Variants in C1QTNF3 observed in about 807,000 individuals in gnomAD.
C1QTNF3 encodes complement C1q tumor necrosis factor-related protein 3.
In C1QTNF3, 26 loss-of-function variants were observed where a neutral mutation model predicts 32.6. That is an observed-to-expected ratio of 0.80 (90% CI 0.58 to 1.11). The LOEUF (loss-of-function observed/expected upper bound fraction) is 1.11, where lower values mean the gene tolerates loss of function less well. Among genes scored for constraint, C1QTNF3 ranks in the 50% least tolerant of loss-of-function variants. The pLI is 0.00. For missense variants in C1QTNF3, 362 were observed against 398.2 expected (o/e 0.91, Z 0.77); for synonymous variants, 155 against 146.0 (o/e 1.06, Z -0.44).
intron 2 of C1QTNF3, 81 bp downstream of exon 2, chr5:34,035,566 C>G (rs1488372961): frequency 9.6e-7 from 1 of 1,046,826 alleles, no homozygotes; most frequent in Non-Finnish European, 1.5e-6. Flanking sequence ...AGAAGTGATC[C>G]CAAATTATTA....
the C1QTNF3 span, chr5:34,168,377 G>A: frequency 6.6e-6 from 1 of 150,716 alleles, no homozygotes; most frequent in South Asian, 2.1e-4. Flanking sequence ...TGCCAAAATG[G>A]GATTAGATGT....
the C1QTNF3 span, among the ~76,000 whole-genome samples, chr5:34,122,099 G>T: frequency 6.6e-6 from 1 of 152,186 alleles, no homozygotes; most frequent in Non-Finnish European, 1.5e-5. Context: ...TAGTACTAAA[G>T]AGTGGGGGTG....
At chr5:34,216,574 T>G in the C1QTNF3 span, among the ~76,000 whole-genome samples, 1 of 152,326 alleles carries the variant, frequency 6.6e-6, no homozygotes, top group Admixed American at 6.5e-5. Context: ...CCACATGGTA[T>G]CCATGTACAC....
the C1QTNF3 span, among the ~76,000 whole-genome samples, chr5:34,222,475 T>C: frequency 9.2e-5 from 14 of 151,738 alleles, no homozygotes; most frequent in African/African-American, 2.9e-4. Context: ...AAATGAAAAG[T>C]ATATTATATA....
the C1QTNF3 span, among the ~76,000 whole-genome samples, chr5:34,125,787 T>G: frequency 6.6e-6 from 1 of 152,352 alleles, no homozygotes; most frequent in Non-Finnish European, 1.5e-5. Flanking sequence ...TATATTGTAA[T>G]AAATAAAATA....
the C1QTNF3 span, among the ~76,000 whole-genome samples, chr5:34,130,851 A>G: frequency 6.6e-6 from 1 of 152,304 alleles, no homozygotes; most frequent in South Asian, 2.1e-4. Flanking sequence ...CTATGTCCTC[A>G]TATTCTGTGC....
At chr5:34,208,456 G>A in the C1QTNF3 span, among the ~76,000 whole-genome samples, 8 of 151,456 alleles carry the variant, frequency 5.3e-5, no homozygotes, top group Non-Finnish European at 1.0e-4. Context: ...CCCTAGCCTC[G>A]ACCACCAGAT....
At chr5:34,207,635 A>G in the C1QTNF3 span, among the ~76,000 whole-genome samples, 1 of 151,646 alleles carries the variant, frequency 6.6e-6, no homozygotes, top group East Asian at 1.9e-4. Context: ...ATAGCTTTAT[A>G]TGTTGTGTTT....
At chr5:34,021,121 T>C (rs1272514160) in intron 5 of C1QTNF3, among the ~76,000 whole-genome samples, 1 of 152,226 alleles carries the variant, frequency 6.6e-6, no homozygotes, top group Admixed American at 6.5e-5. Flanking sequence ...TTTGAGCTAT[T>C]CCACTGGGTT....
the C1QTNF3 span, among the ~76,000 whole-genome samples, chr5:34,077,797 G>A: frequency 6.6e-6 from 1 of 151,406 alleles, no homozygotes; most frequent in Admixed American, 6.6e-5. Flanking sequence ...GCCCATCATG[G>A]AGCTGATAAT....
chr5:34,175,474 T>C, the C1QTNF3 span: 2 of 238,792 alleles, frequency 8.4e-6, no homozygotes, highest in Non-Finnish European at 8.2e-6. Context: ...TACCCTCCTC[T>C]GGAATGATGA....
At chr5:34,176,040 C>CA in the C1QTNF3 span, 1 of 627,502 alleles carries the variant, frequency 1.6e-6, no homozygotes, top group Non-Finnish European at 2.9e-6. Context: ...TGATGGTGAC[C>CA]AAAATATCTG....
chr5:34,241,947 G>GGGAGGGAGGGAGGGAA, the C1QTNF3 span, among the ~76,000 whole-genome samples: 1 of 86,072 alleles, frequency 1.2e-5, no homozygotes, highest in Non-Finnish European at 3.0e-5. Context: ...GAGGAAGGGA[G>GGGAGGGAGGGAGGGAA]GGAGGGAAGG....
chr5:34,017,869 CAT>C lies in C1QTNF3; in HGVS notation c.*2712_*2713del, dbSNP rs1754232123. 6.6e-6 allele frequency among the ~76,000 whole-genome samples: 1 copy of C among 151,340 alleles called. No individual in the cohort carries two copies. Among genetic ancestry groups the C allele is most frequent in the South Asian group, 2.1e-4 (1 of 4,802 alleles). ...ATCAAAGGAAATAATTATATGCACA[CAT>C]AGTTTATTTTTTTAAAAAGAGAATG... On this transcript the variant is annotated 3_prime_UTR_variant, in exon 6 of 6. Transcript: ENST00000382065.
At chr5:34,089,983 T>C in the C1QTNF3 span, among the ~76,000 whole-genome samples, 1 of 152,200 alleles carries the variant, frequency 6.6e-6, no homozygotes, top group Non-Finnish European at 1.5e-5. Flanking sequence ...TAGAACATAG[T>C]TGTTAATCAT....
chr5:34,177,572 C>T, the C1QTNF3 span, among the ~76,000 whole-genome samples: 2 of 151,038 alleles, frequency 1.3e-5, no homozygotes, highest in African/African-American at 2.4e-5. Flanking sequence ...CTGCAACCTC[C>T]ACCTCCCCAG....
chr5:34,215,803 A>AC, the C1QTNF3 span, among the ~76,000 whole-genome samples: 1 of 152,036 alleles, frequency 6.6e-6, no homozygotes, highest in Non-Finnish European at 1.5e-5. Context: ...AGGCTAACTT[A>AC]AAGAACATTT....
At chr5:34,154,790 G>C in the C1QTNF3 span, among the ~76,000 whole-genome samples, 1 of 152,056 alleles carries the variant, frequency 6.6e-6, no homozygotes, top group Admixed American at 6.5e-5. Flanking sequence ...CTCTGGGCAT[G>C]AACAATCTCT....
the C1QTNF3 span, among the ~76,000 whole-genome samples, chr5:34,055,770 C>T: frequency 6.6e-6 from 1 of 152,326 alleles, no homozygotes; most frequent in East Asian, 1.9e-4. Flanking sequence ...AATCAAAACT[C>T]CAGGGGCAGA....
Sources: allele counts gnomAD v4.1 joint callset (sites outside exome capture counted in the v4.1 genomes callset), GRCh38; gene constraint gnomAD v4.1.1; transcripts MANE v1.5; gene names NCBI Gene and HGNC (gene_info 2026-07-23, HGNC 2026-07-21).